OPHN1: variants seen among roughly 807,000 people sequenced by gnomAD.
The protein encoded by OPHN1 is oligophrenin-1.
A neutral mutation model predicts 60.7 loss-of-function variants in OPHN1; 11 were observed. The ratio of observed to expected loss-of-function variants is 0.18; its 90% confidence interval spans 0.11 to 0.30. The LOEUF (loss-of-function observed/expected upper bound fraction) is 0.30, where lower values mean the gene tolerates loss of function less well. Ranked by LOEUF, OPHN1 falls within the 10% of genes least tolerant of loss-of-function variation. The pLI is 1.00. For synonymous variants in OPHN1, 226 were observed against 222.6 expected, an observed-to-expected ratio of 1.02 and a Z score of -0.14; for missense variants, 449 against 611.0, an observed-to-expected ratio of 0.73 and a Z score of 2.80.
chrX:68,307,005 T>G (rs1239578187), intron 2 of OPHN1, among the ~76,000 whole-genome samples: 1 of 111,869 alleles, frequency 8.9e-6, no homozygotes, highest in African/African-American at 3.3e-5. Flanking sequence ...ATTACAGGTA[T>G]GAGCCACTGC....
At chrX:68,349,638 G>A (rs955473682) in intron 2 of OPHN1, among the ~76,000 whole-genome samples, 1 of 111,843 alleles carries the variant, frequency 8.9e-6, no homozygotes, top group African/African-American at 3.2e-5. Flanking sequence ...ATTCACAATA[G>A]CAAAGACTTG....
rs751962819 is a variant in OPHN1 at position 68,171,672 on chromosome X, G to T, written c.1276+21247C>A. Among the ~76,000 whole-genome samples, 254 of 110,434 alleles carry T rather than the reference G, an allele frequency of 2.3e-3. 14 individuals carry two copies. Among genetic ancestry groups the T allele is most frequent in the Non-Finnish European group, 1.7e-3 (91 of 52,898 alleles). ...AATCACTTGAACCCGGGAGGTGGAG[G>T]CTGCAGTGAGCCAAGATCACACCAC... On this transcript the variant is annotated intron_variant, in intron 15 of 24. Transcript: ENST00000355520.
intron 15 of OPHN1, among the ~76,000 whole-genome samples, chrX:68,131,045 G>A (rs751504599): frequency 9.0e-6 from 1 of 110,822 alleles, no homozygotes; most frequent in South Asian, 3.8e-4. Context: ...ATAAGGGAGA[G>A]ATACCCTGTG....
rs1457340816 is a variant in OPHN1 at position 68,096,995 on chromosome X, G to A, written c.1561C>T (p.Pro521Ser). The A allele has an allele frequency of 8.3e-7, 1 of 1,209,430 alleles. No individual in the cohort carries two copies. The highest frequency in any genetic ancestry group is 1.7e-5 in the African/African-American group (1 of 57,691). ...CCAAAGATTACTCCCATGTTGGAGG[G>A]GGTCATAAGATTCTCTTTGCTGTGC... ...CEHSKENLMT[P>S]SNMGVIFGPT... Residue 521 changes from proline (P) to serine (S), a missense_variant, in exon 19 of 25, where the codon CCC (proline) becomes TCC (serine). Around this residue, in one of 4 missense-constraint regions of OPHN1, gnomAD observed 166 missense variants for 278.4 expected, o/e 0.60. Coordinates refer to ENST00000355520, the MANE Select transcript of OPHN1 (RefSeq NM_002547.3).
At chrX:68,304,446 G>A (rs1189721195) in intron 2 of OPHN1, among the ~76,000 whole-genome samples, 3 of 109,193 alleles carry the variant, frequency 2.7e-5, no homozygotes, top group East Asian at 2.9e-4. Flanking sequence ...TATTATTTGC[G>A]TATCTTTTTT....
intron 2 of OPHN1, among the ~76,000 whole-genome samples, chrX:68,352,891 G>A (rs1209036280): frequency 1.8e-5 from 2 of 111,973 alleles, no homozygotes; most frequent in African/African-American, 3.2e-5. Flanking sequence ...AGTGGCTTAC[G>A]CCTGTAATCC....
chrX:68,195,003 AAAGGAAGGAAGGAAGGAAGGAAGG>A (rs747674245), intron 12 of OPHN1, among the ~76,000 whole-genome samples: 10 of 58,734 alleles, frequency 1.7e-4, no homozygotes, highest in African/African-American at 4.7e-4. Context: ...AGAGAGAAAG[AAAGGAAGGAAGGAAGGAAGGAAGG>A]AAGGAAGGAA....
chrX:68,333,898 T>A, intron 2 of OPHN1, among the ~76,000 whole-genome samples: 1 of 82,177 alleles, frequency 1.2e-5, no homozygotes, highest in Admixed American at 1.2e-4. Flanking sequence ...TGAATTTTTT[T>A]TTTTTTTTTT....
intron 2 of OPHN1, among the ~76,000 whole-genome samples, chrX:68,405,791 G>T (rs1416580808): frequency 9.0e-6 from 1 of 111,650 alleles, no homozygotes; most frequent in East Asian, 2.8e-4. Context: ...TTTCATCCAA[G>T]AAATGTTTTC....
intron 2 of OPHN1, among the ~76,000 whole-genome samples, chrX:68,379,665 T>G (rs1224249174): frequency 9.1e-6 from 1 of 109,883 alleles, no homozygotes; most frequent in Non-Finnish European, 1.9e-5. Context: ...GTCAAAGGCC[T>G]TTTCTGCATC....
At chrX:68,326,980 G>A (rs2078264911) in intron 2 of OPHN1, among the ~76,000 whole-genome samples, 1 of 39,015 alleles carries the variant, frequency 2.6e-5, no homozygotes, top group Non-Finnish European at 3.7e-5. Flanking sequence ...GCCCCTACTG[G>A]GAAGTGAGGA....
chrX:68,071,698 C>T, intron 20 of OPHN1: 3 of 519,260 alleles, frequency 5.8e-6, no homozygotes, highest in East Asian at 6.8e-5. Context: ...ACATTGAAGT[C>T]CACTCTCATA....
At chrX:68,306,540 GAGAAA>G (rs1039196596) in intron 2 of OPHN1, among the ~76,000 whole-genome samples, 9 of 112,066 alleles carry the variant, frequency 8.0e-5, no homozygotes, top group African/African-American at 2.6e-4. Context: ...AGCTGCTTCA[GAGAAA>G]AGAAAAGCTT....
At chrX:68,404,276 C>T (rs1230677824) in intron 2 of OPHN1, among the ~76,000 whole-genome samples, 1 of 109,196 alleles carries the variant, frequency 9.2e-6, no homozygotes, top group East Asian at 2.9e-4. Context: ...TCTCCTGCCT[C>T]AGCCTCCCGA....
chrX:68,187,755 T>G (rs1306237533), intron 15 of OPHN1, among the ~76,000 whole-genome samples: 5 of 109,894 alleles, frequency 4.5e-5, no homozygotes, highest in Non-Finnish European at 7.6e-5. Context: ...AGCCTCCCGA[T>G]TAGCTGGGAC....
intron 15 of OPHN1, among the ~76,000 whole-genome samples, chrX:68,192,017 A>G (rs1309919366): frequency 9.0e-6 from 1 of 111,505 alleles, no homozygotes; most frequent in African/African-American, 3.3e-5. Flanking sequence ...TAAAGATTAC[A>G]AGAAATGTTT....
chrX:68,339,333 C>CT (rs2078339918), intron 2 of OPHN1, among the ~76,000 whole-genome samples: 2 of 110,088 alleles, frequency 1.8e-5, no homozygotes, highest in African/African-American at 6.6e-5. Flanking sequence ...AGACCGAATA[C>CT]TTTCCCCATG....
chrX:68,212,096 A>C lies in OPHN1; in HGVS notation c.702+12T>G, dbSNP rs756038495. The C allele has an allele frequency of 1.4e-5, 16 of 1,133,662 alleles. No homozygotes were observed. The highest frequency in any genetic ancestry group is 8.4e-6 in the Non-Finnish European group (7 of 828,818). 93.4% of individuals were successfully genotyped at this position (1,133,662 alleles called of 1,213,427 possible). Reference sequence around the variant, plus strand: ...GGAAAGACCGGTGAGAAAAATCCACATGCAAACTCACATTCTGTAAACTGA... The same window carrying C: ...GGAAAGACCGGTGAGAAAAATCCACCTGCAAACTCACATTCTGTAAACTGA... On this transcript the variant is annotated intron_variant, in intron 8 of 24. Transcript: ENST00000355520.
At chrX:68,111,541 G>A (rs112143352) in intron 18 of OPHN1, among the ~76,000 whole-genome samples, 1,387 of 112,284 alleles carry the variant, frequency 0.012, 20 homozygotes, top group African/African-American at 0.043. Flanking sequence ...ACTCAGAGAG[G>A]TTTGCCTGAG....
Sources: gnomAD v4.1 joint callset for allele counts (sites outside exome capture counted in the v4.1 genomes callset) on GRCh38, gnomAD v4.1.1 for gene constraint, gnomAD v4.1.1 regional missense constraint, MANE v1.5 for transcripts, NCBI Gene and HGNC (gene_info 2026-07-23, HGNC 2026-07-21) for gene names.